The following WDR70 variants were observed in gnomAD, a reference collection of about 807,000 sequenced individuals.
WDR70 encodes the protein WD repeat-containing protein 70.
WDR70 carries 53 observed loss-of-function variants against 88.6 expected under a neutral mutation model. That is an observed-to-expected ratio of 0.60 (90% CI 0.48 to 0.75). The LOEUF is 0.75. Ranked by LOEUF, WDR70 falls within the 30% of genes least tolerant of loss-of-function variation. WDR70 has a pLI of 0.00. For synonymous variants in WDR70, 280 were observed against 270.0 expected (o/e 1.04, Z -0.36); for missense variants, 610 against 823.2 (o/e 0.74, Z 3.17).
intron 2 of WDR70, among the ~76,000 whole-genome samples, chr5:37,380,789 A>G (rs1208621436): frequency 2.0e-5 from 3 of 152,114 alleles, no homozygotes; most frequent in African/African-American, 4.8e-5. Flanking sequence ...CTGGGACCAC[A>G]GATGTGTGCC....
chr5:37,709,388 A>T (rs1434665276), intron 13 of WDR70, among the ~76,000 whole-genome samples: 1 of 152,160 alleles, frequency 6.6e-6, no homozygotes, highest in African/African-American at 2.4e-5. Context: ...TCCTAGAGGG[A>T]GCCTGAGTAA....
chr5:37,620,481 A>T (rs1338887441), intron 10 of WDR70, among the ~76,000 whole-genome samples: 1 of 152,184 alleles, frequency 6.6e-6, no homozygotes, highest in African/African-American at 2.4e-5. Flanking sequence ...TGTCTTGTAA[A>T]GCTGTATTTT....
chr5:37,525,534 T>C (rs938296573), intron 9 of WDR70, among the ~76,000 whole-genome samples: 1 of 152,064 alleles, frequency 6.6e-6, no homozygotes, highest in African/African-American at 2.4e-5. Flanking sequence ...GCAGGAAATA[T>C]CGTAAAATTG....
At chr5:37,394,618 G>A (rs1748952367) in intron 4 of WDR70, among the ~76,000 whole-genome samples, 1 of 152,176 alleles carries the variant, frequency 6.6e-6, no homozygotes, top group Admixed American at 6.6e-5. Flanking sequence ...AATGGGAAGT[G>A]GTGGTGTGCC....
At chr5:37,689,258 G>C (rs1341074661) in intron 10 of WDR70, among the ~76,000 whole-genome samples, 1 of 152,240 alleles carries the variant, frequency 6.6e-6, no homozygotes, top group African/African-American at 2.4e-5. Flanking sequence ...TGTGGGCAGG[G>C]CATAGCTGAA....
chr5:37,432,695 C>T (rs1750346120), intron 5 of WDR70, among the ~76,000 whole-genome samples: 1 of 151,236 alleles, frequency 6.6e-6, no homozygotes, highest in South Asian at 2.1e-4. Context: ...CGCGCCCGGC[C>T]TTTGAGCCAC....
chr5:37,650,158 G>T (rs1745359462), intron 10 of WDR70, among the ~76,000 whole-genome samples: 1 of 151,280 alleles, frequency 6.6e-6, no homozygotes. Flanking sequence ...AGCACTTTGG[G>T]AGGCCAAGGT....
intron 10 of WDR70, among the ~76,000 whole-genome samples, chr5:37,674,782 G>C (rs1258863216): frequency 6.6e-6 from 1 of 151,616 alleles, no homozygotes; most frequent in Non-Finnish European, 1.5e-5. Flanking sequence ...GGTATTTCTA[G>C]TTCTAGATCC....
intron 9 of WDR70, among the ~76,000 whole-genome samples, chr5:37,540,700 A>G (rs1275782608): frequency 3.3e-5 from 5 of 152,154 alleles, no homozygotes; most frequent in Admixed American, 6.6e-5. Flanking sequence ...CTTTTATAAC[A>G]TCTAAAGTAG....
At chr5:37,582,568 A>G (rs1743249354) in intron 9 of WDR70, among the ~76,000 whole-genome samples, 1 of 152,224 alleles carries the variant, frequency 6.6e-6, no homozygotes, top group African/African-American at 2.4e-5. Flanking sequence ...CTCTGCTACT[A>G]CTAACTGTGT....
At chr5:37,594,589 G>C (rs941308439) in intron 9 of WDR70, among the ~76,000 whole-genome samples, 39 of 152,204 alleles carry the variant, frequency 2.6e-4, no homozygotes, top group Middle Eastern at 3.4e-3. Context: ...ATGCCTCCAG[G>C]TTTGTTCTTT....
intron 9 of WDR70, among the ~76,000 whole-genome samples, chr5:37,573,531 TCCCCCCA>T (rs1390871616): frequency 2.2e-5 from 1 of 44,690 alleles, no homozygotes; most frequent in Non-Finnish European, 4.4e-5. Context: ...CCCTCCCCCC[TCCCCCCA>T]CCCCACAACA....
chr5:37,563,537 C>G lies in WDR70; in HGVS notation c.918-41527C>G, dbSNP rs1242752348. Among the ~76,000 whole-genome samples, 15 of 59,660 alleles carry G rather than the reference C, an allele frequency of 2.5e-4. 3 individuals are homozygous for G. In the South Asian group the frequency reaches 1.0e-2, roughly 40 times the overall value. 39.1% of individuals were successfully genotyped at this position (59,660 alleles called of 152,430 possible). ...GGCGCCCCTCACCTCCCGGATGGGG[C>G]GGCTGGCCGGGCGGGGGGCTGACCC... On this transcript the variant is annotated intron_variant, in intron 9 of 17. Coordinates refer to ENST00000265107, the MANE Select transcript of WDR70 (RefSeq NM_018034.4).
At chr5:37,483,375 C>A (rs1224605540) in intron 8 of WDR70, among the ~76,000 whole-genome samples, 1 of 151,986 alleles carries the variant, frequency 6.6e-6, no homozygotes, top group East Asian at 1.9e-4. Flanking sequence ...TCCATTTAAC[C>A]CTGAGTGGAC....
intron 17 of WDR70, among the ~76,000 whole-genome samples, chr5:37,751,457 GACTCAT>G: frequency 6.6e-6 from 1 of 152,300 alleles, no homozygotes; most frequent in South Asian, 2.1e-4. Context: ...TCTAGTACAT[GACTCAT>G]GTCAGACAAC....
intron 5 of WDR70, among the ~76,000 whole-genome samples, chr5:37,411,951 T>C (rs1749539448): frequency 6.6e-6 from 1 of 151,996 alleles, no homozygotes; most frequent in African/African-American, 2.4e-5. Context: ...TAAACTTTTT[T>C]TTACTTATTT....
intron 5 of WDR70, among the ~76,000 whole-genome samples, chr5:37,427,261 C>T (rs1581269861): frequency 6.6e-6 from 1 of 152,056 alleles, no homozygotes; most frequent in East Asian, 1.9e-4. Context: ...TGGTGGCGGG[C>T]GCCTGTAATC....
At chr5:37,474,672 C>T (rs927102209) in intron 7 of WDR70, among the ~76,000 whole-genome samples, 1 of 152,098 alleles carries the variant, frequency 6.6e-6, no homozygotes, top group African/African-American at 2.4e-5. Flanking sequence ...AACCCATCAC[C>T]TAGGTATTAA....
At chr5:37,532,426 C>T (rs951648948) in intron 9 of WDR70, among the ~76,000 whole-genome samples, 5 of 152,064 alleles carry the variant, frequency 3.3e-5, no homozygotes, top group South Asian at 2.1e-4. Context: ...TAACATAATC[C>T]CAGAGTTCTT....
Sources: gnomAD v4.1 joint callset for allele counts (sites outside exome capture counted in the v4.1 genomes callset) on GRCh38, gnomAD v4.1.1 for gene constraint, MANE v1.5 for transcripts, NCBI Gene and HGNC (gene_info 2026-07-23, HGNC 2026-07-21) for gene names.